The following TSPOAP1 variants were observed in gnomAD, a reference collection of about 807,000 sequenced individuals.
The protein encoded by TSPOAP1 is TSPO associated protein 1.
Under a neutral mutation model 197.0 loss-of-function variants are expected in TSPOAP1, and 87 were observed. That is an observed-to-expected ratio of 0.44 (90% CI 0.37 to 0.53). The LOEUF is 0.53. Ranked by LOEUF, TSPOAP1 falls within the 20% of genes least tolerant of loss-of-function variation. The pLI is 0.00. For synonymous variants in TSPOAP1, 913 were observed against 998.9 expected, an observed-to-expected ratio of 0.91 and a Z score of 1.62; for missense variants, 2,174 against 2,411.3, an observed-to-expected ratio of 0.90 and a Z score of 2.06.
At position 58,308,766 on chromosome 17, in the gene TSPOAP1, A is replaced by G; in HGVS notation, c.4506T>C (p.Asp1502=). 1 of 1,612,990 alleles carries G rather than the reference A, an allele frequency of 6.2e-7. No individual in the cohort carries two copies. The highest frequency in any genetic ancestry group is 8.5e-7 in the Non-Finnish European group (1 of 1,179,974). ...PKCLEISIEY[D]SEDEQEAGSG... ...TGCCCGCCTCCTGCTCATCCTCCGA[A>G]TCATATTCAATGCTGATTTCCAAGC... The change falls in exon 22 of 32, where the codon GAT becomes GAC. Residue 1502 remains aspartate (D), a synonymous_variant. Coordinates refer to ENST00000343736, the MANE Select transcript of TSPOAP1 (RefSeq NM_004758.4).
chr17:58,319,826 G>C (rs1044745250), intron 12 of TSPOAP1, among the ~76,000 whole-genome samples: 1 of 152,216 alleles, frequency 6.6e-6, no homozygotes, highest in African/African-American at 2.4e-5. Flanking sequence ...GGCTCTCTCC[G>C]GCCACTATGG....
rs201639298 is a variant in TSPOAP1 at position 58,305,581 on chromosome 17, C to G, written c.5320G>C (p.Asp1774His). 4 of 1,576,754 alleles carry G rather than the reference C, an allele frequency of 2.5e-6. No homozygotes were observed. The Admixed American group carries it at 5.5e-5, about 22-fold the overall frequency. ...KAPHSMVAAF[D>H]YNPQESSPNM... Reference sequence around the variant, plus strand: ...GGGGAACTCTCCTGGGGGTTGTAGTCAAATGCAGCCACCATGGAGTGGGGA... The same window carrying G: ...GGGGAACTCTCCTGGGGGTTGTAGTGAAATGCAGCCACCATGGAGTGGGGA... Residue 1774 changes from aspartate to histidine, a missense_variant, in exon 28 of 32, where the codon GAC (aspartate) becomes CAC (histidine). Physicochemically the swap from Asp to His is moderately conservative, Grantham distance 81. Coordinates refer to ENST00000343736, the MANE Select transcript of TSPOAP1 (RefSeq NM_004758.4).
Position 58,309,961 on chromosome 17 carries a change from C to T in TSPOAP1, c.3891+6G>A, listed in dbSNP as rs774563632. On this transcript the variant is annotated splice_donor_region_variant and intron_variant, in intron 21 of 31. Coordinates refer to ENST00000343736, the MANE Select transcript of TSPOAP1 (RefSeq NM_004758.4). The surrounding 1 kb of genome is among the most constrained non-coding windows in gnomAD (Gnocchi z 5.0). ...GGGGCCCAACAGCCCATCCCTACCCCGTTACCTTGGCCCCATTCTCCCTGA... is the reference window on the plus strand; with the variant it reads ...GGGGCCCAACAGCCCATCCCTACCCTGTTACCTTGGCCCCATTCTCCCTGA... 3.4e-5 allele frequency: 55 copies of T among 1,606,498 alleles called. No homozygotes were observed. The highest frequency in any genetic ancestry group is 1.5e-4 in the Admixed American group (9 of 59,776).
chr17:58,308,811 G>A lies in TSPOAP1; in HGVS notation c.4461C>T (p.Ala1487=). 6.2e-7 allele frequency: 1 copy of A among 1,612,942 alleles called. No homozygotes were observed. The change falls in exon 22 of 32, where the codon GCC becomes GCT. Residue 1487 remains alanine, a synonymous_variant. Transcript: ENST00000343736. ...SRGRALEPGL[A]SCLSPKCLEI... ...CCAAGCACTTGGGGGAAAGGCAGCTGGCCAGGCCAGGCTCCAGCGCCCGGC... is the reference window on the plus strand; with the variant it reads ...CCAAGCACTTGGGGGAAAGGCAGCTAGCCAGGCCAGGCTCCAGCGCCCGGC...
At position 58,304,927 on chromosome 17, in the gene TSPOAP1, G is replaced by A. The variant is rs375654446; in HGVS notation, c.5544+134C>T. The A allele has an allele frequency of 2.0e-4, 148 of 737,550 alleles. 1 individual carries two copies. Among genetic ancestry groups the A allele is most frequent in the South Asian group, 1.5e-3 (104 of 68,832 alleles). The allele number at this position is 737,550 out of a possible 1,614,324, so 45.7% of individuals were successfully genotyped here. ...GGCTCCCCTCTGGTGGTCAATTAGC[G>A]GCTGCACGCTGGACACAGTGCTTAC... On this transcript the variant is annotated intron_variant, in intron 30 of 31. Transcript: ENST00000343736. This position sits in a 1 kb window ranked among gnomAD's most constrained non-coding sequence, Gnocchi z 4.2.
At chr17:58,316,934 C>T (rs1173056498) in intron 14 of TSPOAP1, among the ~76,000 whole-genome samples, 1 of 152,200 alleles carries the variant, frequency 6.6e-6, no homozygotes, top group Non-Finnish European at 1.5e-5. Context: ...CAGTGGCTCG[C>T]GCCTATAATT....
chr17:58,326,701 C>T lies in TSPOAP1; in HGVS notation c.423G>A (p.Lys141=). The change falls in exon 2 of 32, where the codon AAG becomes AAA. Residue 141 remains lysine (K), a synonymous_variant. Coordinates refer to ENST00000343736, the MANE Select transcript of TSPOAP1 (RefSeq NM_004758.4). This position sits in a 1 kb window ranked among gnomAD's most constrained non-coding sequence, Gnocchi z 4.7. The part of the protein sequence containing the change: ...GELRQRCAIL[K]EENQMLRKSS... Reference sequence around the variant, plus strand: ...GCCTCACCAGCATCTGGTTTTCCTCCTTAAGGATGGCACAGCGCTGCCGCA... The same window carrying T: ...GCCTCACCAGCATCTGGTTTTCCTCTTTAAGGATGGCACAGCGCTGCCGCA... The T allele has an allele frequency of 6.2e-7, 1 of 1,614,094 alleles. No homozygotes were observed. Among genetic ancestry groups the T allele is most frequent in the Non-Finnish European group, 8.5e-7 (1 of 1,180,008 alleles).
Position 58,302,331 on chromosome 17 carries a change from C to A in TSPOAP1, c.*149G>T, listed in dbSNP as rs1360020532. 1 of 1,289,552 alleles carries A rather than the reference C, an allele frequency of 7.8e-7. No individual in the cohort carries two copies. Among genetic ancestry groups the A allele is most frequent in the Non-Finnish European group, 1.0e-6 (1 of 988,792 alleles). 79.9% of individuals were successfully genotyped at this position (1,289,552 alleles called of 1,614,324 possible). On this transcript the variant is annotated 3_prime_UTR_variant, in exon 32 of 32. Transcript: ENST00000343736. ...GCTTCCCCTTGGAGAAGAAACCCCA[C>A]ACCTTCTCGCTTCTGCCCTGGGGCT...
chr17:58,323,747 C>A (rs1205851586), intron 5 of TSPOAP1, among the ~76,000 whole-genome samples: 1 of 152,230 alleles, frequency 6.6e-6, no homozygotes, highest in East Asian at 1.9e-4. Flanking sequence ...AAGGCTGCAC[C>A]CCTGTGTCCT....
At chr17:58,319,530 G>A (rs1971337383) in intron 12 of TSPOAP1, among the ~76,000 whole-genome samples, 2 of 152,192 alleles carry the variant, frequency 1.3e-5, no homozygotes, top group Admixed American at 1.3e-4. Flanking sequence ...AGCCAAGGCC[G>A]GGGCCTGCCA....
Position 58,308,686 on chromosome 17 carries a change from C to T in TSPOAP1, c.4586G>A (p.Gly1529Asp), listed in dbSNP as rs1567839906. The change falls in exon 22 of 32, where the codon GGC becomes GAC. Residue 1529 changes from glycine to aspartate, a missense_variant. Gly to Asp is a moderately conservative substitution (Grantham distance 94, BLOSUM62 -1). Transcript: ENST00000343736. ...SCYPGDGEAW[G>D]TATVGRPRGP... is the part of the protein sequence containing the mutation. ...CCTGGGCCTTCCTACAGTTGCTGTGCCCCAGGCCTCCCCATCTCCAGGGTA... is the reference window on the plus strand; with the variant it reads ...CCTGGGCCTTCCTACAGTTGCTGTGTCCCAGGCCTCCCCATCTCCAGGGTA... The T allele has an allele frequency of 6.2e-7, 1 of 1,612,854 alleles. No individual in the cohort carries two copies. Among genetic ancestry groups the T allele is most frequent in the Non-Finnish European group, 8.5e-7 (1 of 1,179,862 alleles).
Position 58,322,955 on chromosome 17 carries a change from C to G in TSPOAP1, c.1189G>C (p.Glu397Gln). The stretch of plus-strand genomic sequence containing the variant: ...CACCTGGGCGGAAGTGGTACCTGCT[C>G]CTTCTCTGTGGCTCTCCCACTGAGC... ...SRLSGRATEK[E>Q]QVEWENAELR... is the part of the protein sequence containing the mutation. Residue 397 changes from glutamate (E) to glutamine (Q), a missense_variant, in exon 8 of 32, where the codon GAG becomes CAG. By Grantham distance (29) the Glu-to-Gln change is conservative. Transcript: ENST00000343736. The surrounding 1 kb of genome is among the most constrained non-coding windows in gnomAD (Gnocchi z 5.0). The G allele has an allele frequency of 1.2e-6, 2 of 1,610,274 alleles. No individual in the cohort carries two copies. Among genetic ancestry groups the G allele is most frequent in the Non-Finnish European group, 1.7e-6 (2 of 1,178,366 alleles).
In TSPOAP1 at chr17:58,327,489, G is replaced by T. The variant is rs1598088191; in HGVS notation, c.333+99C>A. The T allele has an allele frequency of 3.3e-6, 4 of 1,214,964 alleles. No homozygotes were observed. In the East Asian group the frequency reaches 7.1e-5, roughly 22 times the overall value. The allele number at this position is 1,214,964 out of a possible 1,614,324, so 75.3% of individuals were successfully genotyped here. A position where few individuals can be genotyped will look rare whatever the true frequency, so the allele number is the denominator to read the frequency against. On this transcript the variant is annotated intron_variant, in intron 1 of 31. Transcript: ENST00000343736. ...AGACAGGCCAAGAGAGGACAGGTGG[G>T]CATTGGGGATGCATACCTCGCCTCA...
Position 58,308,998 on chromosome 17 carries a change from C to T in TSPOAP1, c.4274G>A (p.Arg1425Gln), listed in dbSNP as rs755176883. Residue 1425 changes from arginine to glutamine, a missense_variant, in exon 22 of 32, where the codon CGA (arginine) becomes CAA (glutamine). By Grantham distance (43) the Arg-to-Gln change is conservative (BLOSUM62 1). This residue lies in a region of TSPOAP1 where 1,933 missense variants were observed against 2,139.0 expected (regional missense o/e 0.90). Transcript: ENST00000343736. The stretch of plus-strand genomic sequence containing the variant: ...GCTGAGAAGTCGGCTGCAGTGTTCT[C>T]GGGGATCTGGAGGCCGCCTGCGGCT... ...PPSRRRPPDP[R>Q]EHCSRLLSNN... The T allele has an allele frequency of 1.9e-6, 3 of 1,612,500 alleles. No homozygotes were observed. Among genetic ancestry groups the T allele is most frequent in the East Asian group, 2.2e-5 (1 of 44,870 alleles).
At chr17:58,308,165 A>T (rs1203918660) in intron 22 of TSPOAP1, among the ~76,000 whole-genome samples, 1 of 152,024 alleles carries the variant, frequency 6.6e-6, no homozygotes, top group African/African-American at 2.4e-5. Context: ...AGATGAATGG[A>T]GTAGAGGGGA....
intron 13 of TSPOAP1, 32 bp from the exon 14 acceptor site, chr17:58,318,484 C>T: frequency 1.3e-6 from 2 of 1,593,650 alleles, no homozygotes; most frequent in Non-Finnish European, 1.7e-6. Context: ...GGCTTGGGGT[C>T]TGTGGCCTGA....
At chr17:58,305,680 G>A in intron 27 of TSPOAP1, 37 bp from the exon 28 acceptor site, 1 of 1,365,198 alleles carries the variant, frequency 7.3e-7, no homozygotes, top group Non-Finnish European at 1.0e-6. Flanking sequence ...GGACTCTCTG[G>A]AGAGCCCTAC....
intron 29 of TSPOAP1, 99 bp from the exon 30 acceptor site, chr17:58,305,270 T>A (rs1045959926): frequency 1.3e-6 from 2 of 1,489,484 alleles, no homozygotes; most frequent in Non-Finnish European, 1.9e-6. Context: ...CCAAAACCAC[T>A]GTCCAGGGAG....
chr17:58,308,797 G>C lies in TSPOAP1; in HGVS notation c.4475C>G (p.Pro1492Arg). ...TTCAATGCTGATTTCCAAGCACTTG[G>C]GGGAAAGGCAGCTGGCCAGGCCAGG... ...LEPGLASCLS[P>R]KCLEISIEYD... Residue 1492 changes from proline to arginine, a missense_variant, in exon 22 of 32, where the codon CCC becomes CGC. Transcript: ENST00000343736. 1.2e-6 allele frequency: 2 copies of C among 1,613,048 alleles called. No individual in the cohort carries two copies. The highest frequency in any genetic ancestry group is 1.1e-5 in the South Asian group (1 of 91,086).
Sources: allele counts gnomAD v4.1 joint callset (sites outside exome capture counted in the v4.1 genomes callset), GRCh38; gene constraint gnomAD v4.1.1; regional missense constraint gnomAD v4.1.1; non-coding constraint Gnocchi (gnomAD v3.1); transcripts MANE v1.5; gene names NCBI Gene and HGNC (gene_info 2026-07-23, HGNC 2026-07-21).